The following PLEKHG4B variants were observed in gnomAD, a reference collection of about 807,000 sequenced individuals.
The protein encoded by PLEKHG4B is pleckstrin homology and RhoGEF domain containing G4B.
PLEKHG4B carries 111 observed loss-of-function variants against 121.3 expected under a neutral mutation model. The observed-to-expected ratio is 0.92, with a 90% CI of 0.78 to 1.07. The LOEUF is 1.07. Ranked by LOEUF, PLEKHG4B falls within the 50% of genes least tolerant of loss-of-function variation. The probability of loss-of-function intolerance (pLI) is 0.00; values close to 1 mark genes in which losing one functional copy is unlikely to be tolerated. For missense variants in PLEKHG4B, 1,831 were observed against 1,757.8 expected, an observed-to-expected ratio of 1.04 and a Z score of -0.74; for synonymous variants, 738 against 725.0, an observed-to-expected ratio of 1.02 and a Z score of -0.29.
intron 5 of PLEKHG4B, 102 bp from the exon 6 acceptor site, chr5:144,725 C>A: frequency 2.0e-6 from 2 of 1,006,068 alleles, no homozygotes; most frequent in Admixed American, 2.1e-5. Context: ...ACTTCTAGAG[C>A]TGAAAGGAAA....
intron 6 of PLEKHG4B, among the ~76,000 whole-genome samples, chr5:150,721 T>C (rs1735579215): frequency 6.6e-6 from 1 of 152,036 alleles, no homozygotes; most frequent in African/African-American, 2.4e-5. Flanking sequence ...AAAACCAAAA[T>C]GAAACACACA....
chr5:173,878 T>C lies in PLEKHG4B; in HGVS notation c.4222-40T>C, dbSNP rs747044766. ...TGGGTAGCCAGTTGTTCAGAGACCATGTTCCTGATGGTGCTGCAATGGGTG... is the reference window on the plus strand; with the variant it reads ...TGGGTAGCCAGTTGTTCAGAGACCACGTTCCTGATGGTGCTGCAATGGGTG... On this transcript the variant is annotated intron_variant, in intron 17 of 19. Coordinates refer to ENST00000637938, the MANE Select transcript of PLEKHG4B (RefSeq NM_052909.5). 1.1e-5 allele frequency: 17 copies of C among 1,597,436 alleles called. 1 individual carries two copies. In the South Asian group the frequency reaches 1.5e-4, roughly 14 times the overall value.
At chr5:121,241 C>T (rs373077276) in intron 2 of PLEKHG4B, among the ~76,000 whole-genome samples, 2,194 of 149,412 alleles carry the variant, frequency 0.015, 60 homozygotes, top group African/African-American at 0.051. Context: ...AGTGAGACTC[C>T]GTCTAAAAAA....
At position 188,465 on chromosome 5, in the gene PLEKHG4B, T is replaced by C. The variant is rs1733690563; in HGVS notation, c.*6142T>C. The C allele has an allele frequency of 6.6e-6, 1 of 152,194 alleles. No individual in the cohort carries two copies. The highest frequency in any genetic ancestry group is 6.5e-5 in the Admixed American group (1 of 15,276). The allele number at this position is 152,194 out of a possible 1,614,324, so 9.4% of individuals were successfully genotyped here. On this transcript the variant is annotated 3_prime_UTR_variant, in exon 20 of 20. Coordinates refer to ENST00000637938, the MANE Select transcript of PLEKHG4B (RefSeq NM_052909.5). Reference sequence around the variant, plus strand: ...GAGCCCGAACTGACCACCTGGGGCGTAGGTCCAAGATTTAATTACAAAACG... The same window carrying C: ...GAGCCCGAACTGACCACCTGGGGCGCAGGTCCAAGATTTAATTACAAAACG...
intron 6 of PLEKHG4B, among the ~76,000 whole-genome samples, chr5:148,264 C>T (rs1361564190): frequency 2.7e-5 from 4 of 150,704 alleles, no homozygotes; most frequent in African/African-American, 9.8e-5. Flanking sequence ...GAAGAGGCAT[C>T]CAAACTGGAA....
chr5:170,236 G>A (rs1736497587), intron 14 of PLEKHG4B, among the ~76,000 whole-genome samples: 1 of 152,204 alleles, frequency 6.6e-6, no homozygotes, highest in Non-Finnish European at 1.5e-5. Context: ...CCAGACCACT[G>A]AGCACAGATT....
chr5:162,572 C>A (rs1212802901), intron 12 of PLEKHG4B, 150 bp from the exon 13 acceptor site: 3 of 544,570 alleles, frequency 5.5e-6, no homozygotes, highest in Non-Finnish European at 8.7e-6. Context: ...AACCCGGCCA[C>A]AGCCCCCACT....
intron 1 of PLEKHG4B, among the ~76,000 whole-genome samples, chr5:106,839 G>A (rs745907699): frequency 2.6e-5 from 4 of 151,994 alleles, no homozygotes; most frequent in African/African-American, 4.8e-5. Flanking sequence ...CAGCTTCTGT[G>A]TGTGTGTGTG....
intron 14 of PLEKHG4B, among the ~76,000 whole-genome samples, 192 bp from the exon 15 acceptor site, chr5:170,851 G>A (rs1736518775): frequency 6.6e-6 from 1 of 152,130 alleles, no homozygotes; most frequent in East Asian, 1.9e-4. Flanking sequence ...GGTCACCCCT[G>A]GAGCCCTGGT....
chr5:166,458 C>T (rs1406035689), intron 13 of PLEKHG4B, among the ~76,000 whole-genome samples: 1 of 112,958 alleles, frequency 8.9e-6, no homozygotes, highest in African/African-American at 3.6e-5. Flanking sequence ...TCTGACGGGG[C>T]GGAGCTCACA....
chr5:162,983 G>A lies in PLEKHG4B; in HGVS notation c.2911G>A (p.Ala971Thr), dbSNP rs901866069. ...AAPDPSLPPL[A>T]QSPPKHERAQ... ...CCCAGACCCCAGCTTACCGCCCCTT[G>A]CCCAGAGCCCCCCAAAGCATGAGCG... is the stretch of plus-strand genomic sequence containing the variant. Residue 971 changes from alanine to threonine, a missense_variant, in exon 13 of 20, where the codon GCC becomes ACC. Ala to Thr is a moderately conservative substitution (Grantham distance 58). Transcript: ENST00000637938. 2.6e-6 allele frequency: 4 copies of A among 1,567,574 alleles called. No homozygotes were observed. Among genetic ancestry groups the A allele is most frequent in the Admixed American group, 1.9e-5 (1 of 53,934 alleles).
chr5:185,215 C>T lies in PLEKHG4B; in HGVS notation c.*2892C>T, dbSNP rs1389145635. 2.0e-5 allele frequency: 3 copies of T among 152,228 alleles called. No homozygotes were observed. The highest frequency in any genetic ancestry group is 7.2e-5 in the African/African-American group (3 of 41,456). The allele number at this position is 152,228 out of a possible 1,614,324, so 9.4% of individuals were successfully genotyped here. A position where few individuals can be genotyped will look rare whatever the true frequency, so the allele number is the denominator to read the frequency against. ...AAGTGGAGAGAGACTGAAGCAGCCA[C>T]TGGCCATCACAGCAAACACAAGCAG... On this transcript the variant is annotated 3_prime_UTR_variant, in exon 20 of 20. Coordinates refer to ENST00000637938, the MANE Select transcript of PLEKHG4B (RefSeq NM_052909.5).
chr5:170,847 C>A (rs944990768), intron 14 of PLEKHG4B, among the ~76,000 whole-genome samples, 196 bp from the exon 15 acceptor site: 4 of 152,120 alleles, frequency 2.6e-5, no homozygotes, highest in Admixed American at 6.5e-5. Flanking sequence ...AACTGGTCAC[C>A]CCTGGAGCCC....
intron 14 of PLEKHG4B, 51 bp from the exon 15 acceptor site, chr5:170,992 G>A (rs781262946): frequency 4.7e-6 from 7 of 1,492,030 alleles, no homozygotes; most frequent in African/African-American, 4.2e-5. Context: ...GGAGCCTGCT[G>A]TCTCTGGGCC....
chr5:173,835 C>G (rs1016598602), intron 17 of PLEKHG4B, 83 bp from the exon 18 acceptor site: 4 of 1,499,322 alleles, frequency 2.7e-6, no homozygotes, highest in Non-Finnish European at 3.6e-6. Context: ...GTGAAGTGAC[C>G]TCCAGCACTG....
At position 171,220 on chromosome 5, in the gene PLEKHG4B, C is replaced by A; in HGVS notation, c.3826C>A (p.Gln1276Lys). The A allele has an allele frequency of 6.2e-7, 1 of 1,605,070 alleles. No individual in the cohort carries two copies. Among genetic ancestry groups the A allele is most frequent in the South Asian group, 1.1e-5 (1 of 90,430 alleles). The stretch of plus-strand genomic sequence containing the variant: ...TCTCACCCGGCCCTTGCAGGACAAG[C>A]AGCGGGAGCTAGGTGACAAAATGGA... ...SHGNAFFKDK[Q>K]RELGDKMDLA... Residue 1276 changes from glutamine to lysine, a missense_variant, in exon 16 of 20, where the codon CAG becomes AAG. Transcript: ENST00000637938.
intron 12 of PLEKHG4B, 21 bp downstream of exon 12, chr5:161,965 G>A (rs763530929): frequency 6.3e-7 from 1 of 1,591,540 alleles, no homozygotes; most frequent in Non-Finnish European, 8.6e-7. Context: ...CAGTGGGCGT[G>A]CGTCCCAGGG....
chr5:93,284 A>T (rs1424680720), intron 1 of PLEKHG4B, among the ~76,000 whole-genome samples: 1 of 152,148 alleles, frequency 6.6e-6, no homozygotes, highest in Non-Finnish European at 1.5e-5. Flanking sequence ...GTAAATCTTC[A>T]TGTAATGTGG....
chr5:164,688 GA>G (rs1736209414), intron 13 of PLEKHG4B, among the ~76,000 whole-genome samples: 2 of 99,976 alleles, frequency 2.0e-5, no homozygotes, highest in Non-Finnish European at 2.0e-5. Context: ...ACAGGGGGCG[GA>G]GCTCACACTA....
Sources: allele counts gnomAD v4.1 joint callset (sites outside exome capture counted in the v4.1 genomes callset), GRCh38; gene constraint gnomAD v4.1.1; transcripts MANE v1.5; gene names NCBI Gene and HGNC (gene_info 2026-07-23, HGNC 2026-07-21).